The following COX4I1 variants were observed in gnomAD, a reference collection of about 807,000 sequenced individuals.
COX4I1 encodes cytochrome c oxidase subunit 4I1, also known as cytochrome c oxidase subunit 4 isoform 1, mitochondrial.
In COX4I1, 18 loss-of-function variants were observed where a neutral mutation model predicts 21.7. The observed-to-expected ratio is 0.83, with a 90% confidence interval of 0.57 to 1.23. COX4I1 has a LOEUF of 1.23. Among genes scored for constraint, COX4I1 ranks in the 50% most tolerant of loss-of-function variants. The pLI, the probability that COX4I1 is intolerant of heterozygous loss-of-function variation, is 0.00. For synonymous variants in COX4I1, 100 were observed against 81.5 expected (o/e 1.23, Z -1.23); for missense variants, 238 against 220.7 (o/e 1.08, Z -0.50).
At chr16:85,806,256 G>A in intron 4 of COX4I1, 1 of 597,340 alleles carries the variant, frequency 1.7e-6, no homozygotes, top group Non-Finnish European at 3.0e-6. Flanking sequence ...CATCTCAACA[G>A]CCAGCATCTG....
At chr16:85,800,572 T>C (rs1905637864) in intron 1 of COX4I1, among the ~76,000 whole-genome samples, 1 of 152,188 alleles carries the variant, frequency 6.6e-6, no homozygotes. Context: ...GGCAGCACAG[T>C]GCTTTAATGA....
intron 4 of COX4I1, 101 bp from the exon 5 acceptor site, chr16:85,806,637 C>A: frequency 6.3e-7 from 1 of 1,591,744 alleles, no homozygotes. Context: ...GCTCTGCTGA[C>A]CTGGTGGCTG....
chr16:85,805,309 TAG>T, intron 3 of COX4I1: 1 of 578,524 alleles, frequency 1.7e-6, no homozygotes. Context: ...GATCTTTTGC[TAG>T]GCCCCCTTCT....
chr16:85,806,402 G>A, intron 4 of COX4I1: 1 of 663,576 alleles, frequency 1.5e-6, no homozygotes, highest in Non-Finnish European at 2.7e-6. Context: ...TCGTACTTTT[G>A]GTTTGAATGT....
intron 2 of COX4I1, chr16:85,804,408 G>C (rs1411696284): frequency 6.6e-6 from 1 of 152,518 alleles, no homozygotes; most frequent in Non-Finnish European, 1.5e-5. Flanking sequence ...CCAGGCTGGA[G>C]TGCAGCGGTG....
At chr16:85,802,198 G>GC (rs1290137810) in intron 2 of COX4I1, among the ~76,000 whole-genome samples, 2 of 152,160 alleles carry the variant, frequency 1.3e-5, no homozygotes, top group Non-Finnish European at 2.9e-5. Context: ...CTCCCGTAGA[G>GC]CCCCGAGTTG....
rs1013781639 is a variant in COX4I1 at position 85,807,054 on chromosome 16, A to G, written c.*180A>G. On this transcript the variant is annotated 3_prime_UTR_variant, in exon 5 of 5. Coordinates refer to ENST00000253452, the MANE Select transcript of COX4I1 (RefSeq NM_001861.6). ...ACCTAAATGAAAGCTAATTAAAACA[A>G]TAGGTTTCTCCCAAGGGTCTGGAGT... 1.5e-6 allele frequency: 1 copy of G among 658,174 alleles called. No individual in the cohort carries two copies. Among genetic ancestry groups the G allele is most frequent in the Non-Finnish European group, 2.5e-6 (1 of 399,266 alleles). The allele number at this position is 658,174 out of a possible 1,614,324, so 40.8% of individuals were successfully genotyped here.
intron 2 of COX4I1, among the ~76,000 whole-genome samples, chr16:85,802,699 C>T (rs1034051144): frequency 1.3e-5 from 2 of 152,208 alleles, no homozygotes; most frequent in African/African-American, 2.4e-5. Context: ...CATGTTGAAG[C>T]GGTGACAAAC....
At chr16:85,804,022 G>C (rs2599087) in intron 2 of COX4I1, 148,519 of 152,380 alleles carry the variant, frequency 0.97, 72,484 homozygotes, top group Middle Eastern at 1. Context: ...TGTTTGATTT[G>C]TTCACTGATG....
Position 85,804,885 on chromosome 16 carries a change from G to A in COX4I1, c.74-52G>A. ...CGGTTTTCAGAAGTATCACCTTGGG[G>A]TGACTCTCAACTTACATGGATTTTC... On this transcript the variant is annotated intron_variant, in intron 2 of 4. Transcript: ENST00000253452. The A allele has an allele frequency of 2.6e-6, 4 of 1,529,712 alleles. No homozygotes were observed. The South Asian group carries it at 3.7e-5, about 14-fold the overall frequency. 94.8% of individuals were successfully genotyped at this position (1,529,712 alleles called of 1,614,324 possible).
In COX4I1 at chr16:85,805,752, G is replaced by A; in HGVS notation, c.261G>A (p.Lys87=). 2 of 1,614,250 alleles carry A rather than the reference G, an allele frequency of 1.2e-6. No homozygotes were observed. The highest frequency in any genetic ancestry group is 1.1e-5 in the South Asian group (1 of 91,086). ...CCCCAGTGTATCGCATTAAGTTCAA[G>A]GAGAGCTTTGCTGAGATGAACAGGG... ...EKVELYRIKF[K]ESFAEMNRGS... Residue 87 remains lysine (K), a synonymous_variant, in exon 4 of 5, where the codon AAG becomes AAA. Transcript: ENST00000253452.
intron 3 of COX4I1, 39 bp downstream of exon 3, chr16:85,805,143 C>G: frequency 6.3e-7 from 1 of 1,582,140 alleles, no homozygotes; most frequent in Non-Finnish European, 8.6e-7. Flanking sequence ...CCCAGCAGCT[C>G]TCGGAAGCGT....
rs186481746 is a variant in COX4I1, at chr16:85,803,105, C to T, written c.73+1827C>T. The T allele has an allele frequency of 3.3e-5, 5 of 152,234 alleles. No homozygotes were observed. The East Asian group carries it at 9.6e-4, about 29-fold the overall frequency. 9.4% of individuals were successfully genotyped at this position (152,234 alleles called of 1,614,324 possible). ...ATATTTACATTTATTTTTAATAACT[C>T]TCATGTGTAAGCTGAGTGTTTTAAA... is the stretch of plus-strand genomic sequence containing the variant. On this transcript the variant is annotated intron_variant, in intron 2 of 4. Transcript: ENST00000253452.
At chr16:85,801,745 C>G (rs1320322400) in intron 2 of COX4I1, among the ~76,000 whole-genome samples, 1 of 152,154 alleles carries the variant, frequency 6.6e-6, no homozygotes, top group Non-Finnish European at 1.5e-5. Context: ...TCAGGAATCT[C>G]TTTGCTCACC....
chr16:85,800,068 C>T (rs1195409406), intron 1 of COX4I1, among the ~76,000 whole-genome samples: 2 of 150,950 alleles, frequency 1.3e-5, no homozygotes, highest in Admixed American at 6.6e-5. Context: ...GCGCTCTGTG[C>T]CTGCAGCCTC....
Position 85,801,226 on chromosome 16 carries a change from T to C in COX4I1, c.21T>C (p.Phe7=), listed in dbSNP as rs767646220. The change falls in exon 2 of 5, where the codon TTT becomes TTC. Residue 7 remains phenylalanine (F), a synonymous_variant. Coordinates refer to ENST00000253452, the MANE Select transcript of COX4I1 (RefSeq NM_001861.6). The part of the protein sequence containing the change: MLATRV[F]SLVGKRAIST... The stretch of plus-strand genomic sequence containing the variant: ...TCAGAATGTTGGCTACCAGGGTATT[T>C]AGCCTAGTTGGCAAGCGAGCAATTT... 2 of 1,609,966 alleles carry C rather than the reference T, an allele frequency of 1.2e-6. No individual in the cohort carries two copies. The highest frequency in any genetic ancestry group is 1.7e-6 in the Non-Finnish European group (2 of 1,176,456).
At chr16:85,802,383 C>G (rs1031069209) in intron 2 of COX4I1, among the ~76,000 whole-genome samples, 39 of 152,250 alleles carry the variant, frequency 2.6e-4, no homozygotes, top group African/African-American at 9.4e-4. Flanking sequence ...GTCTCAGCCT[C>G]TTAGAGTGTA....
chr16:85,804,895 A>C, intron 2 of COX4I1, 42 bp from the exon 3 acceptor site: 2 of 1,563,696 alleles, frequency 1.3e-6, no homozygotes, highest in Non-Finnish European at 8.7e-7. Context: ...GTGACTCTCA[A>C]CTTACATGGA....
Position 85,801,211 on chromosome 16 carries a change from G to A in COX4I1, c.6G>A (p.Leu2=), listed in dbSNP as rs1367531026. The A allele has an allele frequency of 2.5e-6, 4 of 1,606,252 alleles. No individual in the cohort carries two copies. The South Asian group carries it at 4.4e-5, about 18-fold the overall frequency. Residue 2 remains leucine, a synonymous_variant, in exon 2 of 5, where the codon TTG becomes TTA. Transcript: ENST00000253452. ...GTACATTTTTATCTTTCAGAATGTTGGCTACCAGGGTATTTAGCCTAGTTG... is the reference window on the plus strand; with the variant it reads ...GTACATTTTTATCTTTCAGAATGTTAGCTACCAGGGTATTTAGCCTAGTTG... M[L]ATRVFSLVGK...
Sources: gnomAD v4.1 joint callset for allele counts (sites outside exome capture counted in the v4.1 genomes callset) on GRCh38, gnomAD v4.1.1 for gene constraint, MANE v1.5 for transcripts, NCBI Gene and HGNC (gene_info 2026-07-23, HGNC 2026-07-21) for gene names.